MAGI2: variants seen among roughly 807,000 people sequenced by gnomAD.
The protein encoded by MAGI2 is membrane-associated guanylate kinase, WW and PDZ domain-containing protein 2.
A neutral mutation model predicts 133.3 loss-of-function variants in MAGI2; 35 were observed. That is an observed-to-expected ratio of 0.26 (90% CI 0.20 to 0.35). The LOEUF (loss-of-function observed/expected upper bound fraction) is 0.35. MAGI2 is among the 10% of genes least tolerant of loss of function. The pLI is 1.00. For synonymous variants in MAGI2, 729 were observed against 710.6 expected (o/e 1.03, Z -0.41); for missense variants, 1,636 against 1,863.4 (o/e 0.88, Z 2.25).
At chr7:78,091,578 C>T (rs1205456547) in intron 20 of MAGI2, among the ~76,000 whole-genome samples, 7 of 152,150 alleles carry the variant, frequency 4.6e-5, no homozygotes, top group Non-Finnish European at 1.0e-4. Flanking sequence ...TTCTCTTATC[C>T]TTACTTAAGG....
intron 3 of MAGI2, among the ~76,000 whole-genome samples, chr7:78,538,202 C>T (rs562975047): frequency 1.3e-5 from 2 of 152,232 alleles, no homozygotes; most frequent in Non-Finnish European, 2.9e-5. Flanking sequence ...ATTTTTATGC[C>T]AGCACCATGC....
At chr7:79,334,073 A>G (rs140712840) in intron 1 of MAGI2, among the ~76,000 whole-genome samples, 2 of 152,290 alleles carry the variant, frequency 1.3e-5, no homozygotes, top group East Asian at 1.9e-4. Context: ...TGTCATCTCT[A>G]TACACATCTA....
intron 15 of MAGI2, among the ~76,000 whole-genome samples, chr7:78,162,325 A>ATCAT: frequency 6.7e-6 from 1 of 149,762 alleles, no homozygotes; most frequent in African/African-American, 2.5e-5. Flanking sequence ...GGAGATCGAG[A>ATCAT]CCACGGTGAA....
chr7:78,700,016 A>G (rs1817905132), intron 2 of MAGI2, among the ~76,000 whole-genome samples: 1 of 152,176 alleles, frequency 6.6e-6, no homozygotes, highest in Non-Finnish European at 1.5e-5. Context: ...ATTATGAAGC[A>G]AATCACTTGG....
At chr7:78,301,698 T>C (rs377562600) in intron 9 of MAGI2, among the ~76,000 whole-genome samples, 8 of 152,366 alleles carry the variant, frequency 5.3e-5, no homozygotes, top group African/African-American at 1.2e-4. Context: ...TCTGAAGTCT[T>C]ATGCTAGCTT....
chr7:78,416,550 A>G (rs934825102), intron 6 of MAGI2, among the ~76,000 whole-genome samples: 2 of 152,104 alleles, frequency 1.3e-5, no homozygotes, highest in East Asian at 3.9e-4. Flanking sequence ...TCATGATGTT[A>G]AGTTCTAAAA....
intron 2 of MAGI2, among the ~76,000 whole-genome samples, chr7:78,716,266 C>A (rs1819692212): frequency 1.3e-5 from 2 of 152,140 alleles, no homozygotes. Flanking sequence ...ACCCTTTCTT[C>A]CAGGAAAAGT....
At chr7:78,665,703 G>A (rs758811922) in intron 2 of MAGI2, among the ~76,000 whole-genome samples, 5 of 151,962 alleles carry the variant, frequency 3.3e-5, no homozygotes, top group Admixed American at 6.6e-5. Flanking sequence ...ATTAATAGAG[G>A]AGAAAAAAGA....
At chr7:78,664,951 G>A (rs569245759) in intron 2 of MAGI2, among the ~76,000 whole-genome samples, 5 of 152,004 alleles carry the variant, frequency 3.3e-5, no homozygotes, top group South Asian at 4.1e-4. Flanking sequence ...AATTTCATAC[G>A]TAGATATAAT....
chr7:78,777,186 T>C (rs1035677508), intron 2 of MAGI2, among the ~76,000 whole-genome samples: 1 of 152,232 alleles, frequency 6.6e-6, no homozygotes, highest in Admixed American at 6.5e-5. Context: ...AGGAGAAAAA[T>C]TATGCTTTGG....
intron 1 of MAGI2, among the ~76,000 whole-genome samples, chr7:79,158,125 T>C (rs1212905652): frequency 7.2e-5 from 11 of 152,190 alleles, no homozygotes; most frequent in Non-Finnish European, 2.9e-5. Context: ...TAGTTTCCTT[T>C]AAATACAAAT....
intron 1 of MAGI2, among the ~76,000 whole-genome samples, chr7:79,011,275 A>G (rs1486426594): frequency 1.3e-5 from 2 of 152,142 alleles, no homozygotes; most frequent in African/African-American, 4.8e-5. Context: ...TGTCATTTCT[A>G]TTACTTGAAT....
At chr7:78,747,351 A>G (rs559648993) in intron 2 of MAGI2, among the ~76,000 whole-genome samples, 36 of 152,280 alleles carry the variant, frequency 2.4e-4, no homozygotes, top group African/African-American at 7.7e-4. Flanking sequence ...AAAGAGTCAT[A>G]TAAGAAATGC....
chr7:79,356,476 C>CA (rs953494231), intron 1 of MAGI2, among the ~76,000 whole-genome samples: 8 of 151,738 alleles, frequency 5.3e-5, no homozygotes, highest in Admixed American at 2.0e-4. Context: ...AAATGAAAAG[C>CA]AAAAAAAGTT....
intron 1 of MAGI2, among the ~76,000 whole-genome samples, chr7:79,223,183 C>T (rs1049476786): frequency 2.0e-5 from 3 of 151,976 alleles, no homozygotes; most frequent in African/African-American, 7.3e-5. Flanking sequence ...CTGCGCGTGG[C>T]CATATCTCAT....
intron 1 of MAGI2, among the ~76,000 whole-genome samples, chr7:79,392,710 G>GT (rs1457726398): frequency 6.6e-6 from 1 of 151,984 alleles, no homozygotes; most frequent in African/African-American, 2.4e-5. Flanking sequence ...GGAGTTACTT[G>GT]TTTTTTTCTT....
chr7:79,235,737 C>A (rs1279788928), intron 1 of MAGI2, among the ~76,000 whole-genome samples: 2 of 152,210 alleles, frequency 1.3e-5, no homozygotes, highest in African/African-American at 4.8e-5. Context: ...GATGGAAATG[C>A]AGAAATCACC....
intron 9 of MAGI2, among the ~76,000 whole-genome samples, chr7:78,282,074 ATAATCT>A (rs1225658630): frequency 3.9e-5 from 6 of 152,182 alleles, no homozygotes; most frequent in African/African-American, 1.4e-4. Flanking sequence ...TGAAACAGAC[ATAATCT>A]TAAGAGATGA....
At chr7:78,528,402 C>T (rs986609383) in intron 3 of MAGI2, among the ~76,000 whole-genome samples, 1 of 152,002 alleles carries the variant, frequency 6.6e-6, no homozygotes, top group African/African-American at 2.4e-5. Flanking sequence ...CAAAGGACCC[C>T]AAATTCAAAC....
Sources: allele counts gnomAD v4.1 joint callset (sites outside exome capture counted in the v4.1 genomes callset), GRCh38; gene constraint gnomAD v4.1.1; transcripts MANE v1.5; gene names NCBI Gene and HGNC (gene_info 2026-07-23, HGNC 2026-07-21).